Variants in ITPA observed in about 807,000 individuals in gnomAD.
The protein encoded by ITPA is inosine triphosphate pyrophosphatase.
ITPA carries 29 observed loss-of-function variants against 29.6 expected under a neutral mutation model. The ratio of observed to expected loss-of-function variants is 0.98; its 90% CI spans 0.73 to 1.34. The LOEUF (loss-of-function observed/expected upper bound fraction) is 1.34. Among genes scored for constraint, ITPA ranks in the 40% most tolerant of loss-of-function variants. ITPA has a pLI of 0.00. For synonymous variants in ITPA, 103 were observed against 99.3 expected (o/e 1.04, Z -0.22); for missense variants, 241 against 251.5 (o/e 0.96, Z 0.28).
chr20:3,226,242 G>A (rs2122476151), downstream of ITPA, among the ~76,000 whole-genome samples: 1 of 152,320 alleles, frequency 6.6e-6, no homozygotes, highest in South Asian at 2.1e-4. This position sits in a 1 kb window ranked among gnomAD's most constrained non-coding sequence, Gnocchi z 4.4. Context: ...CCTCCTGGCA[G>A]GCAGCAGTTA....
chr20:3,209,134 T>G, upstream of ITPA: 1 of 306,198 alleles, frequency 3.3e-6, no homozygotes. The surrounding 1 kb of genome is among the most constrained non-coding windows in gnomAD (Gnocchi z 4.6). Context: ...AGGATGAGGG[T>G]TTGGAAGCCC....
intron 7 of ITPA, 45 bp downstream of exon 7, chr20:3,221,962 G>A: frequency 6.3e-7 from 1 of 1,589,114 alleles, no homozygotes; most frequent in Admixed American, 1.7e-5. Context: ...GGTTGGTACA[G>A]CCATGGTTTG....
upstream of ITPA, among the ~76,000 whole-genome samples, chr20:3,207,018 AAAAT>A (rs1043848718): frequency 4.9e-4 from 75 of 152,180 alleles, no homozygotes; most frequent in Non-Finnish European, 1.0e-3. Context: ...CATCTCAAAA[AAAAT>A]AAATAAATAA....
intron 7 of ITPA, among the ~76,000 whole-genome samples, chr20:3,222,725 C>T (rs1469015732): frequency 6.6e-6 from 1 of 152,256 alleles, no homozygotes; most frequent in Admixed American, 6.5e-5. Context: ...CAGTGTGAGG[C>T]CCCACAATAG....
Position 3,209,593 on chromosome 20 carries a change from G to C in ITPA, c.42G>C (p.Thr14=), listed in dbSNP as rs1257840478. 1 of 1,614,128 alleles carries C rather than the reference G, an allele frequency of 6.2e-7. No individual in the cohort carries two copies. Among genetic ancestry groups the C allele is most frequent in the South Asian group, 1.1e-5 (1 of 91,088 alleles). ...TGGGGAAGAAGATCGTGTTTGTAAC[G>C]GGGAACGCCAAGAAGCTGGAGGAGG... is the stretch of plus-strand genomic sequence containing the variant. ...SLVGKKIVFV[T]GNAKKLEEVV... The change falls in exon 1 of 8, where the codon ACG becomes ACC. Residue 14 remains threonine (T), a synonymous_variant. Coordinates refer to ENST00000380113, the MANE Select transcript of ITPA (RefSeq NM_033453.4). This position sits in a 1 kb window ranked among gnomAD's most constrained non-coding sequence, Gnocchi z 4.6.
chr20:3,207,934 G>T (rs1436889837), upstream of ITPA, among the ~76,000 whole-genome samples: 3 of 149,238 alleles, frequency 2.0e-5, no homozygotes, highest in African/African-American at 7.4e-5. Flanking sequence ...GACAGAGGTT[G>T]CAGTGAGCCA....
At position 3,212,088 on chromosome 20, in the gene ITPA, T is replaced by C. The variant is rs2067187911; in HGVS notation, c.67-1081T>C. ...TCTAGGTACATGGGAGGAGGATCTC[T>C]TGGGCCCAGGAGGTTGAGGCTCTAG... On this transcript the variant is annotated intron_variant, in intron 1 of 7. Transcript: ENST00000380113. Among the ~76,000 whole-genome samples, 6 of 152,018 alleles carry C rather than the reference T, an allele frequency of 3.9e-5. No homozygotes were observed. In the South Asian group the frequency reaches 1.2e-3, roughly 32 times the overall value.
At chr20:3,206,665 C>T (rs1481183034), upstream of ITPA, among the ~76,000 whole-genome samples, 1 of 151,716 alleles carries the variant, frequency 6.6e-6, no homozygotes, top group Non-Finnish European at 1.5e-5. Flanking sequence ...CCCGTCTCTA[C>T]TAAAAATACA....
At chr20:3,218,054 G>A (rs932705219) in intron 5 of ITPA, among the ~76,000 whole-genome samples, 7 of 152,124 alleles carry the variant, frequency 4.6e-5, no homozygotes, top group East Asian at 1.9e-4. Context: ...AGCAGCTGGA[G>A]CTACAGGCAT....
downstream of ITPA, among the ~76,000 whole-genome samples, chr20:3,227,133 C>T (rs2067563353): frequency 6.6e-6 from 1 of 152,264 alleles, no homozygotes; most frequent in Admixed American, 6.5e-5. Context: ...CTGCTCTTCA[C>T]CAGCCACAGC....
chr20:3,219,073 A>T, intron 6 of ITPA: 1 of 204,064 alleles, frequency 4.9e-6, no homozygotes, highest in Non-Finnish European at 1.0e-5. Flanking sequence ...CCACACTTGG[A>T]TCAAAGCTAC....
chr20:3,227,444 C>A, downstream of ITPA: 1 of 343,474 alleles, frequency 2.9e-6, no homozygotes, highest in African/African-American at 2.1e-5. Context: ...GAGCTTTATT[C>A]TCTAATGTGC....
chr20:3,220,537 A>G (rs1241763901), intron 6 of ITPA, among the ~76,000 whole-genome samples: 1 of 151,802 alleles, frequency 6.6e-6, no homozygotes, highest in East Asian at 1.9e-4. Context: ...CCTCCGTTGT[A>G]TTTTTTAAAG....
At chr20:3,218,737 G>T (rs181397424) in intron 6 of ITPA, 105 bp downstream of exon 6, 1 of 789,780 alleles carries the variant, frequency 1.3e-6, no homozygotes, top group Non-Finnish European at 2.2e-6. Context: ...GGGGCGCCTT[G>T]GGGCCAGAGA....
upstream of ITPA, chr20:3,204,485 A>G (rs374433462): frequency 2.2e-5 from 33 of 1,521,256 alleles, no homozygotes; most frequent in South Asian, 3.7e-4. Context: ...ACAAAGGCTC[A>G]GAAGGCCAGA....
chr20:3,209,759 G>C lies in ITPA; in HGVS notation c.66+142G>C, dbSNP rs576362922. The C allele has an allele frequency of 4.2e-6, 3 of 711,716 alleles. No homozygotes were observed. Among genetic ancestry groups the C allele is most frequent in the Non-Finnish European group, 7.0e-6 (3 of 431,308 alleles). 44.1% of individuals were successfully genotyped at this position (711,716 alleles called of 1,614,324 possible). A position where few individuals can be genotyped will look rare whatever the true frequency, so the allele number is the denominator to read the frequency against. ...CGGAAGAATGGGTCCTGACCCGGCT[G>C]TGTGGAAAAGCTGGGGCGCAAGAAG... On this transcript the variant is annotated intron_variant, in intron 1 of 7. Transcript: ENST00000380113. This position sits in a 1 kb window ranked among gnomAD's most constrained non-coding sequence, Gnocchi z 4.6.
chr20:3,206,562 G>T (rs549476840), upstream of ITPA, among the ~76,000 whole-genome samples: 1 of 152,226 alleles, frequency 6.6e-6, no homozygotes, highest in Non-Finnish European at 1.5e-5. Context: ...CGGGTGTGGT[G>T]GCTCATGCCC....
downstream of ITPA, among the ~76,000 whole-genome samples, chr20:3,224,915 A>G (rs1038746352): frequency 6.6e-6 from 1 of 152,326 alleles, no homozygotes; most frequent in East Asian, 1.9e-4. Flanking sequence ...TGTGAAGTAT[A>G]TATCTGGTTC....
intron 7 of ITPA, among the ~76,000 whole-genome samples, chr20:3,222,394 T>C (rs1441641846): frequency 6.6e-6 from 1 of 152,170 alleles, no homozygotes; most frequent in Non-Finnish European, 1.5e-5. Context: ...TTATTTTTGT[T>C]AGAGACGGGG....
Sources: gnomAD v4.1 joint callset for allele counts (sites outside exome capture counted in the v4.1 genomes callset) on GRCh38, gnomAD v4.1.1 for gene constraint, Gnocchi (gnomAD v3.1) non-coding constraint, MANE v1.5 for transcripts, NCBI Gene and HGNC (gene_info 2026-07-23, HGNC 2026-07-21) for gene names.